Variants in ARHGAP24 observed in about 807,000 individuals in gnomAD.
ARHGAP24 encodes Rho GTPase activating protein 24, also known as rho GTPase-activating protein 24.
A neutral mutation model predicts 76.4 loss-of-function variants in ARHGAP24; 50 were observed. The observed-to-expected ratio is 0.65, with a 90% CI of 0.52 to 0.83. ARHGAP24 has a LOEUF of 0.83. Ranked by LOEUF, ARHGAP24 falls within the 40% of genes least tolerant of loss-of-function variation. The probability of loss-of-function intolerance (pLI) is 0.00; values close to 1 mark genes in which losing one functional copy is unlikely to be tolerated. For synonymous variants in ARHGAP24, 345 were observed against 323.3 expected, an observed-to-expected ratio of 1.07 and a Z score of -0.72; for missense variants, 930 against 914.2, an observed-to-expected ratio of 1.02 and a Z score of -0.22.
chr4:85,866,270 G>A (rs1235252014), intron 3 of ARHGAP24, among the ~76,000 whole-genome samples: 7 of 152,068 alleles, frequency 4.6e-5, no homozygotes, highest in Non-Finnish European at 5.9e-5. Flanking sequence ...ACTTTCTTCA[G>A]AAACCTAGAA....
At chr4:85,832,100 G>GC (rs1487082248) in intron 3 of ARHGAP24, among the ~76,000 whole-genome samples, 3 of 152,176 alleles carry the variant, frequency 2.0e-5, no homozygotes, top group African/African-American at 7.2e-5. Flanking sequence ...ATACAGGGAA[G>GC]CACCAGGGTC....
At chr4:85,871,263 A>G (rs1382652784) in intron 3 of ARHGAP24, among the ~76,000 whole-genome samples, 1 of 152,186 alleles carries the variant, frequency 6.6e-6, no homozygotes, top group Non-Finnish European at 1.5e-5. Flanking sequence ...CAAAATTATG[A>G]ACAAAAAATC....
chr4:85,483,361 G>A (rs1258544680), intron 1 of ARHGAP24, among the ~76,000 whole-genome samples: 1 of 152,154 alleles, frequency 6.6e-6, no homozygotes, highest in African/African-American at 2.4e-5. Flanking sequence ...TAGGCCAGGC[G>A]CTGTGGCTCA....
At position 86,001,558 on chromosome 4, in the gene ARHGAP24, T is replaced by C; in HGVS notation, c.*836T>C. On this transcript the variant is annotated 3_prime_UTR_variant, in exon 10 of 10. Transcript: ENST00000395184. Reference sequence around the variant, plus strand: ...CTCTGTCCCTCTGGACCGAATCTCTTTAACTGCTGGATAGTTTTAGAGGAA... The same window carrying C: ...CTCTGTCCCTCTGGACCGAATCTCTCTAACTGCTGGATAGTTTTAGAGGAA... The C allele has an allele frequency of 2.5e-6, 1 of 397,354 alleles. No homozygotes were observed. Among genetic ancestry groups the C allele is most frequent in the South Asian group, 1.4e-4 (1 of 7,180 alleles). The allele number at this position is 397,354 out of a possible 1,614,324, so 24.6% of individuals were successfully genotyped here.
intron 1 of ARHGAP24, among the ~76,000 whole-genome samples, chr4:85,488,727 T>C (rs1270749026): frequency 6.6e-6 from 1 of 152,198 alleles, no homozygotes; most frequent in African/African-American, 2.4e-5. Flanking sequence ...ATATAATGAA[T>C]TGCCTCTTCT....
chr4:85,813,903 T>C (rs901015364), intron 3 of ARHGAP24, among the ~76,000 whole-genome samples: 17 of 150,344 alleles, frequency 1.1e-4, no homozygotes, highest in African/African-American at 3.4e-4. Flanking sequence ...TACCCGAGAC[T>C]GGGCAATTTA....
chr4:85,885,866 A>G (rs1386291222), intron 3 of ARHGAP24, among the ~76,000 whole-genome samples: 1 of 152,116 alleles, frequency 6.6e-6, no homozygotes, highest in Non-Finnish European at 1.5e-5. Context: ...TTTATTTATT[A>G]TCTTTTATAA....
chr4:85,839,843 C>CCT (rs1730494288), intron 3 of ARHGAP24, among the ~76,000 whole-genome samples: 1 of 105,628 alleles, frequency 9.5e-6, no homozygotes, highest in East Asian at 2.8e-4. Flanking sequence ...TTTCTGTTTT[C>CCT]TTTTTTTTTT....
chr4:85,615,092 C>T (rs902706352), intron 2 of ARHGAP24, among the ~76,000 whole-genome samples: 1 of 151,900 alleles, frequency 6.6e-6, no homozygotes. Context: ...TCTTCAATTT[C>T]ATTTTAAAAG....
At chr4:85,602,290 G>A (rs538391904) in intron 2 of ARHGAP24, among the ~76,000 whole-genome samples, 2 of 152,308 alleles carry the variant, frequency 1.3e-5, no homozygotes, top group Non-Finnish European at 1.5e-5. Flanking sequence ...CACACAGATT[G>A]CAATTAATCT....
At chr4:85,558,857 C>T (rs1011550944) in intron 1 of ARHGAP24, among the ~76,000 whole-genome samples, 1 of 152,316 alleles carries the variant, frequency 6.6e-6, no homozygotes, top group East Asian at 1.9e-4. Flanking sequence ...AAGTTACCCA[C>T]TTGTAAAATA....
rs145605193 is a variant in ARHGAP24, at chr4:85,980,541, C to G, written c.928+2850C>G. Among the ~76,000 whole-genome samples, 775 of 152,280 alleles carry G rather than the reference C, an allele frequency of 5.1e-3. 6 individuals carry two copies. Among genetic ancestry groups the G allele is most frequent in the African/African-American group, 0.018 (737 of 41,572 alleles). On this transcript the variant is annotated intron_variant, in intron 8 of 9. Transcript: ENST00000395184. ...TACTGCAAAATTCTTTACATGTGCT[C>G]TTTTAATCCTCCTTTTATTCTTTTA... is the stretch of plus-strand genomic sequence containing the variant.
At chr4:85,724,738 G>A (rs1043385567) in intron 3 of ARHGAP24, among the ~76,000 whole-genome samples, 3 of 151,866 alleles carry the variant, frequency 2.0e-5, no homozygotes, top group Admixed American at 2.0e-4. Context: ...AATCTACCAT[G>A]TTTTAGGGTT....
At chr4:85,699,556 C>T (rs1723991948) in intron 2 of ARHGAP24, among the ~76,000 whole-genome samples, 1 of 151,988 alleles carries the variant, frequency 6.6e-6, no homozygotes, top group South Asian at 2.1e-4. Flanking sequence ...GAGCTATGAT[C>T]ATGCCACTGC....
At chr4:85,983,683 T>C (rs1348347261) in intron 8 of ARHGAP24, among the ~76,000 whole-genome samples, 1 of 152,142 alleles carries the variant, frequency 6.6e-6, no homozygotes, top group Non-Finnish European at 1.5e-5. Context: ...TTTAAAGTAC[T>C]CTGTTATTGT....
intron 2 of ARHGAP24, among the ~76,000 whole-genome samples, chr4:85,682,599 A>G (rs1723247158): frequency 6.6e-6 from 1 of 152,212 alleles, no homozygotes; most frequent in Non-Finnish European, 1.5e-5. Flanking sequence ...GCCTCCAGAG[A>G]GATAATTCAA....
intron 2 of ARHGAP24, among the ~76,000 whole-genome samples, chr4:85,628,654 C>A (rs1721055642): frequency 6.6e-6 from 1 of 152,078 alleles, no homozygotes; most frequent in Non-Finnish European, 1.5e-5. Context: ...GTTCTCTTAC[C>A]ATTTGCTTTA....
At chr4:85,481,640 G>A (rs1003614621) in intron 1 of ARHGAP24, among the ~76,000 whole-genome samples, 1 of 152,184 alleles carries the variant, frequency 6.6e-6, no homozygotes, top group Non-Finnish European at 1.5e-5. Context: ...AACAGGAAAG[G>A]TGTGGTCCAC....
chr4:85,593,420 G>T (rs1043890396), intron 2 of ARHGAP24, among the ~76,000 whole-genome samples: 1 of 152,090 alleles, frequency 6.6e-6, no homozygotes, highest in African/African-American at 2.4e-5. Flanking sequence ...TCTTCACTTT[G>T]TTGATTGTAT....
Sources: allele counts gnomAD v4.1 joint callset (sites outside exome capture counted in the v4.1 genomes callset), GRCh38; gene constraint gnomAD v4.1.1; transcripts MANE v1.5; gene names NCBI Gene and HGNC (gene_info 2026-07-23, HGNC 2026-07-21).